Variants in THSD4 observed in about 807,000 individuals in gnomAD.
THSD4 encodes the protein thrombospondin type 1 domain containing 4, also known as thrombospondin type-1 domain-containing protein 4.
Under a neutral mutation model 119.0 loss-of-function variants are expected in THSD4, and 69 were observed. That is an observed-to-expected ratio of 0.58 (90% CI 0.48 to 0.71). THSD4 has a LOEUF of 0.71. Ranked by LOEUF, THSD4 falls within the 30% of genes least tolerant of loss-of-function variation. The pLI, the probability that THSD4 is intolerant of heterozygous loss-of-function variation, is 0.00. For missense variants in THSD4, 1,393 were observed against 1,391.1 expected (o/e 1.00, Z -0.02); for synonymous variants, 524 against 540.4 (o/e 0.97, Z 0.42).
intron 7 of THSD4, among the ~76,000 whole-genome samples, chr15:71,629,711 C>T (rs184366451): frequency 5.4e-4 from 82 of 152,294 alleles, no homozygotes; most frequent in Non-Finnish European, 9.4e-4. Flanking sequence ...TACATTGTTG[C>T]CTCAGCCTCC....
At chr15:71,353,730 A>G (rs748947297) in intron 6 of THSD4, among the ~76,000 whole-genome samples, 2 of 152,220 alleles carry the variant, frequency 1.3e-5, no homozygotes, top group Admixed American at 6.5e-5. Context: ...TGTCCCGACT[A>G]TTTCAATGCC....
chr15:71,516,215 T>A lies in THSD4; in HGVS notation c.1152+104392T>A, dbSNP rs951294162. Reference sequence around the variant, plus strand: ...GAAGAAAGAATAAAATAGAATAACATCTGTGTTTGGTGCTCCACAGCTTGC... The same window carrying A: ...GAAGAAAGAATAAAATAGAATAACAACTGTGTTTGGTGCTCCACAGCTTGC... On this transcript the variant is annotated intron_variant, in intron 7 of 17. Coordinates refer to ENST00000261862, the MANE Select transcript of THSD4 (RefSeq NM_024817.3). Among the ~76,000 whole-genome samples the A allele has an allele frequency of 3.9e-5, 6 of 152,292 alleles. No individual in the cohort carries two copies. The East Asian group carries it at 1.2e-3, about 29-fold the overall frequency.
chr15:71,206,611 T>C (rs2043845748), intron 3 of THSD4, among the ~76,000 whole-genome samples: 2 of 152,204 alleles, frequency 1.3e-5, no homozygotes, highest in Admixed American at 6.5e-5. Context: ...GAGGTTTATT[T>C]TGTAGAAAGA....
At chr15:71,573,498 CA>C (rs2049396774) in intron 7 of THSD4, among the ~76,000 whole-genome samples, 2 of 152,188 alleles carry the variant, frequency 1.3e-5, no homozygotes, top group African/African-American at 2.4e-5. Context: ...CTAGACCTTT[CA>C]AAACTTTAAT....
intron 15 of THSD4, among the ~76,000 whole-genome samples, chr15:71,764,091 A>G (rs1595928717): frequency 6.6e-6 from 1 of 151,708 alleles, no homozygotes; most frequent in African/African-American, 2.4e-5. Context: ...TAAATAAAAG[A>G]ACGAATGAAC....
At chr15:71,180,806 C>A (rs528961372) in intron 3 of THSD4, among the ~76,000 whole-genome samples, 1 of 152,060 alleles carries the variant, frequency 6.6e-6, no homozygotes, top group Non-Finnish European at 1.5e-5. Context: ...CATGAGGGAA[C>A]CTTCCAGGGT....
intron 7 of THSD4, among the ~76,000 whole-genome samples, chr15:71,566,514 A>G (rs540257450): frequency 1.3e-5 from 2 of 152,186 alleles, no homozygotes; most frequent in East Asian, 3.9e-4. Flanking sequence ...TAACTTGTTA[A>G]AGGGTGGGGC....
chr15:71,745,502 CAA>C (rs755901028), intron 12 of THSD4, among the ~76,000 whole-genome samples: 16 of 152,064 alleles, frequency 1.1e-4, no homozygotes, highest in Non-Finnish European at 1.8e-4. Flanking sequence ...GTAAGGAAAA[CAA>C]AGGAGGAAGC....
intron 3 of THSD4, among the ~76,000 whole-genome samples, chr15:71,174,082 A>C (rs961268592): frequency 6.6e-6 from 1 of 152,194 alleles, no homozygotes; most frequent in African/African-American, 2.4e-5. Context: ...AAAATAGCCA[A>C]CTGGACTTCA....
chr15:71,528,249 A>G (rs182630930), intron 7 of THSD4, among the ~76,000 whole-genome samples: 2 of 152,244 alleles, frequency 1.3e-5, no homozygotes, highest in Admixed American at 1.3e-4. Flanking sequence ...AATGAGAGGT[A>G]AATGCTCTTG....
intron 7 of THSD4, among the ~76,000 whole-genome samples, chr15:71,442,568 CAAAA>C (rs71154770): frequency 1.5e-4 from 5 of 33,458 alleles, no homozygotes; most frequent in Non-Finnish European, 3.1e-4. Flanking sequence ...AACTCCATCT[CAAAA>C]AAAAAAAATA....
chr15:71,735,506 C>A (rs1395394475), intron 10 of THSD4, among the ~76,000 whole-genome samples: 1 of 151,882 alleles, frequency 6.6e-6, no homozygotes. Context: ...CTCTGTCTGT[C>A]CCTCTCTGTC....
At chr15:71,295,263 G>A (rs1353975947) in intron 6 of THSD4, among the ~76,000 whole-genome samples, 2 of 152,188 alleles carry the variant, frequency 1.3e-5, no homozygotes, top group Non-Finnish European at 2.9e-5. Flanking sequence ...CCTAGGAAGT[G>A]AAGTGACTGG....
intron 3 of THSD4, among the ~76,000 whole-genome samples, chr15:71,157,215 C>T (rs1332732402): frequency 6.6e-6 from 1 of 152,096 alleles, no homozygotes; most frequent in African/African-American, 2.4e-5. Flanking sequence ...TGTGCGTAAC[C>T]TGAACAAAAG....
At chr15:71,256,570 A>G in intron 5 of THSD4, 43 bp from the exon 6 acceptor site, 1 of 1,548,868 alleles carries the variant, frequency 6.5e-7, no homozygotes, top group Non-Finnish European at 8.9e-7. Context: ...GGAGCTATGA[A>G]AAGTATGGAC....
At chr15:71,369,731 G>C (rs2046017110) in intron 6 of THSD4, among the ~76,000 whole-genome samples, 1 of 152,124 alleles carries the variant, frequency 6.6e-6, no homozygotes, top group African/African-American at 2.4e-5. Context: ...AAGGATATTG[G>C]TCTAAAATTC....
chr15:71,693,647 T>A (rs529408911), intron 8 of THSD4, among the ~76,000 whole-genome samples: 1 of 152,262 alleles, frequency 6.6e-6, no homozygotes, highest in Non-Finnish European at 1.5e-5. Flanking sequence ...CACCTTGAAT[T>A]GTAGCTCCCA....
chr15:71,097,762 T>C (rs2040237552), intron 1 of THSD4, among the ~76,000 whole-genome samples: 1 of 151,230 alleles, frequency 6.6e-6, no homozygotes. Context: ...AACTCTTTCC[T>C]GATTCATCAC....
At chr15:71,614,811 A>G (rs528861614) in intron 7 of THSD4, among the ~76,000 whole-genome samples, 1 of 152,288 alleles carries the variant, frequency 6.6e-6, no homozygotes, top group South Asian at 2.1e-4. Flanking sequence ...GGGGATGATT[A>G]CTTCCTTCTT....
Sources: gnomAD v4.1 joint callset for allele counts (sites outside exome capture counted in the v4.1 genomes callset) on GRCh38, gnomAD v4.1.1 for gene constraint, MANE v1.5 for transcripts, NCBI Gene and HGNC (gene_info 2026-07-23, HGNC 2026-07-21) for gene names.